WWOX: variants seen among roughly 807,000 people sequenced by gnomAD.
WWOX encodes the protein WW domain-containing oxidoreductase.
WWOX carries 69 observed loss-of-function variants against 46.2 expected under a neutral mutation model. That is an observed-to-expected ratio of 1.49 (90% CI 1.23 to 1.82). The LOEUF (loss-of-function observed/expected upper bound fraction) is 1.82, where lower values mean the gene tolerates loss of function less well. Among genes scored for constraint, WWOX ranks in the 40% most tolerant of loss-of-function variants. The probability of loss-of-function intolerance (pLI) is 0.00; values close to 1 mark genes in which losing one functional copy is unlikely to be tolerated. For synonymous variants in WWOX, 359 were observed against 202.6 expected (o/e 1.77, Z -6.56); for missense variants, 919 against 542.6 (o/e 1.69, Z -6.89).
chr16:78,520,292 G>A (rs1383572995), intron 8 of WWOX, among the ~76,000 whole-genome samples: 1 of 152,168 alleles, frequency 6.6e-6, no homozygotes, highest in African/African-American at 2.4e-5. Context: ...TCAACGCAGT[G>A]AATTTTTTAG....
chr16:78,736,618 G>C (rs1034246810), intron 8 of WWOX, among the ~76,000 whole-genome samples: 3 of 151,588 alleles, frequency 2.0e-5, no homozygotes, highest in African/African-American at 7.3e-5. Context: ...GTTTTACTGA[G>C]ATAGGATCTG....
chr16:78,827,578 A>T (rs755705687), intron 8 of WWOX, among the ~76,000 whole-genome samples: 15 of 152,060 alleles, frequency 9.9e-5, no homozygotes, highest in Non-Finnish European at 1.8e-4. Flanking sequence ...CATGCCTGTA[A>T]TCCCAGCACT....
intron 8 of WWOX, among the ~76,000 whole-genome samples, chr16:78,914,025 G>C (rs2045181205): frequency 6.6e-6 from 1 of 151,972 alleles, no homozygotes. Context: ...TCCATCTGAG[G>C]ATCATCAGAG....
At chr16:78,776,770 G>C (rs1367995037) in intron 8 of WWOX, among the ~76,000 whole-genome samples, 1 of 152,142 alleles carries the variant, frequency 6.6e-6, no homozygotes, top group Non-Finnish European at 1.5e-5. Context: ...CATGGCGGCA[G>C]GCAAGAGGGG....
intron 8 of WWOX, among the ~76,000 whole-genome samples, chr16:78,767,469 A>AGT (rs1216650959): frequency 2.3e-4 from 26 of 114,334 alleles, no homozygotes; most frequent in African/African-American, 8.2e-4. Flanking sequence ...TTTCTGTGTG[A>AGT]GTGTGTGTGT....
intron 8 of WWOX, among the ~76,000 whole-genome samples, chr16:78,906,958 C>T (rs60581926): frequency 0.031 from 4,750 of 152,226 alleles, 220 homozygotes; most frequent in East Asian, 0.18. Context: ...GTGGTGATAA[C>T]GTAACCGCCC....
At chr16:79,108,492 A>G (rs1218411578) in intron 8 of WWOX, among the ~76,000 whole-genome samples, 2 of 152,336 alleles carry the variant, frequency 1.3e-5, no homozygotes, top group East Asian at 1.9e-4. Context: ...AGATGAAGGG[A>G]TTGTCCAGGC....
chr16:78,466,256 C>T (rs187574082), intron 8 of WWOX, among the ~76,000 whole-genome samples: 36 of 152,218 alleles, frequency 2.4e-4, no homozygotes, highest in African/African-American at 7.2e-4. Context: ...TGGTCTCGAT[C>T]TCCTGACCTT....
At chr16:78,699,651 AT>A (rs1237432856) in intron 8 of WWOX, among the ~76,000 whole-genome samples, 2 of 152,192 alleles carry the variant, frequency 1.3e-5, no homozygotes, top group Non-Finnish European at 2.9e-5. Flanking sequence ...TGCTTCTGTG[AT>A]TTTAAAAAGG....
chr16:78,694,092 C>T (rs531644077), intron 8 of WWOX, among the ~76,000 whole-genome samples: 6 of 152,066 alleles, frequency 3.9e-5, no homozygotes, highest in South Asian at 4.2e-4. Flanking sequence ...ATTACCTAGG[C>T]GTGGTAGTGT....
chr16:78,726,087 TCCTCCCTC>T (rs151264242), intron 8 of WWOX, among the ~76,000 whole-genome samples: 12 of 113,244 alleles, frequency 1.1e-4, no homozygotes, highest in African/African-American at 1.7e-4. Flanking sequence ...CCCTCCCTCT[TCCTCCCTC>T]CCTCCCTCCC....
chr16:78,788,367 C>T (rs963758113), intron 8 of WWOX, among the ~76,000 whole-genome samples: 12 of 152,282 alleles, frequency 7.9e-5, no homozygotes, highest in African/African-American at 2.4e-4. Context: ...GTCTCCTGTC[C>T]TTCTTTCACC....
intron 8 of WWOX, among the ~76,000 whole-genome samples, chr16:78,621,348 T>C (rs1340898167): frequency 6.6e-6 from 1 of 152,020 alleles, no homozygotes; most frequent in African/African-American, 2.4e-5. Context: ...ACCCAGTTCC[T>C]CCTAGTGGGC....
chr16:78,513,391 C>A (rs183091748), intron 8 of WWOX, among the ~76,000 whole-genome samples: 6 of 152,232 alleles, frequency 3.9e-5, no homozygotes, highest in African/African-American at 1.2e-4. Flanking sequence ...GATAGGGTAT[C>A]CACTGCCCTG....
chr16:79,067,078 G>T (rs1212993825), intron 8 of WWOX, among the ~76,000 whole-genome samples: 9 of 152,170 alleles, frequency 5.9e-5, no homozygotes, highest in Admixed American at 2.0e-4. Flanking sequence ...GTGGTTATTA[G>T]TGAGGTCTCC....
In WWOX at chr16:78,738,175, A is replaced by T. The variant is rs897706126; in HGVS notation, c.1056+305423A>T. ...AGCCCTTGTGTGTGTCCGACTCATA[A>T]AAGTTCAGAAGGTTGTTACTGAGAG... On this transcript the variant is annotated intron_variant, in intron 8 of 8. Transcript: ENST00000566780. Among the ~76,000 whole-genome samples the T allele has an allele frequency of 2.6e-4, 40 of 152,298 alleles. 1 individual carries two copies. Among genetic ancestry groups the T allele is most frequent in the African/African-American group, 8.9e-4 (37 of 41,582 alleles).
intron 5 of WWOX, among the ~76,000 whole-genome samples, chr16:78,286,926 A>G (rs996722137): frequency 4.6e-5 from 7 of 152,152 alleles, no homozygotes; most frequent in Non-Finnish European, 7.4e-5. Context: ...AATCAATTTT[A>G]TAGTTTCTTT....
chr16:79,119,635 T>C (rs1056581927), intron 8 of WWOX, among the ~76,000 whole-genome samples: 1 of 152,188 alleles, frequency 6.6e-6, no homozygotes, highest in Non-Finnish European at 1.5e-5. Context: ...GGCACACACA[T>C]AGCAAATGGT....
At chr16:78,849,434 C>T (rs931073687) in intron 8 of WWOX, among the ~76,000 whole-genome samples, 7 of 151,826 alleles carry the variant, frequency 4.6e-5, no homozygotes, top group Non-Finnish European at 1.0e-4. Flanking sequence ...ATTAGCCAGG[C>T]CTGGTGGCGG....
Sources: allele counts gnomAD v4.1 joint callset (sites outside exome capture counted in the v4.1 genomes callset), GRCh38; gene constraint gnomAD v4.1.1; transcripts MANE v1.5; gene names NCBI Gene and HGNC (gene_info 2026-07-23, HGNC 2026-07-21).